The following CRISPLD2 variants were observed in gnomAD, a reference collection of about 807,000 sequenced individuals.
The protein encoded by CRISPLD2 is cysteine-rich secretory protein LCCL domain-containing 2.
CRISPLD2 carries 47 observed loss-of-function variants against 71.1 expected under a neutral mutation model. The ratio of observed to expected loss-of-function variants is 0.66; its 90% confidence interval spans 0.52 to 0.84. The LOEUF (loss-of-function observed/expected upper bound fraction) is 0.84. Ranked by LOEUF, CRISPLD2 falls within the 40% of genes least tolerant of loss-of-function variation. The pLI is 0.00. For missense variants in CRISPLD2, 830 were observed against 651.1 expected, an observed-to-expected ratio of 1.27 and a Z score of -2.99; for synonymous variants, 317 against 250.1, an observed-to-expected ratio of 1.27 and a Z score of -2.52.
At chr16:84,831,776 C>T (rs1916494308) in intron 1 of CRISPLD2, among the ~76,000 whole-genome samples, 1 of 151,990 alleles carries the variant, frequency 6.6e-6, no homozygotes, top group African/African-American at 2.4e-5. Context: ...GCCGTGTCAC[C>T]CAGGCGGGAG....
At chr16:84,840,535 G>A (rs960214141) in intron 2 of CRISPLD2, among the ~76,000 whole-genome samples, 3 of 152,112 alleles carry the variant, frequency 2.0e-5, no homozygotes, top group Admixed American at 1.3e-4. Flanking sequence ...GAGACAGAGT[G>A]TTGCCCTGTC....
At chr16:84,895,784 G>A (rs1046738600) in intron 14 of CRISPLD2, among the ~76,000 whole-genome samples, 18 of 152,104 alleles carry the variant, frequency 1.2e-4, no homozygotes, top group Admixed American at 9.2e-4. Context: ...TGTAGCTCCC[G>A]GCTACTGAGC....
intron 1 of CRISPLD2, among the ~76,000 whole-genome samples, chr16:84,825,111 C>A (rs527465655): frequency 6.1e-4 from 93 of 151,666 alleles, no homozygotes; most frequent in African/African-American, 2.2e-3. Flanking sequence ...CATTTCAAAA[C>A]AAAAACAAAA....
At chr16:84,873,571 A>G (rs114874829) in intron 10 of CRISPLD2, 218 of 199,538 alleles carry the variant, frequency 1.1e-3, no homozygotes, top group African/African-American at 4.6e-3. Context: ...TTATAATTTG[A>G]TCATGATATT....
chr16:84,838,947 G>T (rs781492827), intron 2 of CRISPLD2: 36 of 724,642 alleles, frequency 5.0e-5, no homozygotes, highest in South Asian at 1.8e-4. Context: ...GGAGTGCAAT[G>T]GCACAATCGT....
In CRISPLD2 at chr16:84,908,292, T is replaced by C. The variant is rs1255360082; in HGVS notation, c.*1650T>C. On this transcript the variant is annotated 3_prime_UTR_variant, in exon 15 of 15. Coordinates refer to ENST00000262424, the MANE Select transcript of CRISPLD2 (RefSeq NM_031476.4). The stretch of plus-strand genomic sequence containing the variant: ...ACAGGACTACGTGCTTTGTGCATTG[T>C]AGTCTAGTCGTAATTCATAGGTACT... 1 of 152,250 alleles carries C rather than the reference T, an allele frequency of 6.6e-6. No individual in the cohort carries two copies. The highest frequency in any genetic ancestry group is 1.5e-5 in the Non-Finnish European group (1 of 68,042). The allele number at this position is 152,250 out of a possible 1,614,324, so 9.4% of individuals were successfully genotyped here.
At chr16:84,866,802 A>G (rs1917550160) in intron 6 of CRISPLD2, 95 bp from the exon 7 acceptor site, 1 of 1,217,434 alleles carries the variant, frequency 8.2e-7, no homozygotes, top group Non-Finnish European at 1.2e-6. Context: ...CCAAACCTCA[A>G]ACACGTTTAG....
At chr16:84,866,239 G>GTTTT (rs11409128) in intron 6 of CRISPLD2, among the ~76,000 whole-genome samples, 3 of 148,288 alleles carry the variant, frequency 2.0e-5, no homozygotes, top group Non-Finnish European at 3.0e-5. Context: ...TTGTTTTTTG[G>GTTTT]TTTTTTTTTT....
chr16:84,837,105 C>G (rs909589031), intron 1 of CRISPLD2, among the ~76,000 whole-genome samples: 4 of 152,230 alleles, frequency 2.6e-5, no homozygotes, highest in African/African-American at 7.2e-5. Context: ...ATGGAGGTGA[C>G]TGGGTGGCCC....
intron 6 of CRISPLD2, among the ~76,000 whole-genome samples, chr16:84,858,631 A>G (rs1400674829): frequency 6.6e-6 from 1 of 152,244 alleles, no homozygotes; most frequent in Non-Finnish European, 1.5e-5. Flanking sequence ...GCAATGGAGC[A>G]GTGTGATATC....
At chr16:84,861,003 G>A (rs1157390620) in intron 6 of CRISPLD2, among the ~76,000 whole-genome samples, 2 of 152,162 alleles carry the variant, frequency 1.3e-5, no homozygotes, top group African/African-American at 4.8e-5. Context: ...GCTTCATTAT[G>A]TTCCTTGGTT....
chr16:84,878,283 C>G (rs1032647759), intron 12 of CRISPLD2, among the ~76,000 whole-genome samples: 4 of 139,950 alleles, frequency 2.9e-5, no homozygotes, highest in African/African-American at 1.3e-4. Flanking sequence ...ACAACCACCA[C>G]CCGTCAAAGT....
chr16:84,906,714 A>C lies in CRISPLD2; in HGVS notation c.*72A>C. On this transcript the variant is annotated 3_prime_UTR_variant, in exon 15 of 15. Transcript: ENST00000262424. ...GTTTTGCTTTTATTTTTATTTTGTCATTGCGGGGTATATGGAGAGTCAGGA... is the reference window on the plus strand; with the variant it reads ...GTTTTGCTTTTATTTTTATTTTGTCCTTGCGGGGTATATGGAGAGTCAGGA... 1 of 1,532,606 alleles carries C rather than the reference A, an allele frequency of 6.5e-7. No individual in the cohort carries two copies. Among genetic ancestry groups the C allele is most frequent in the Non-Finnish European group, 9.0e-7 (1 of 1,106,350 alleles). The allele number at this position is 1,532,606 out of a possible 1,614,324, so 94.9% of individuals were successfully genotyped here.
rs2071819978 is a variant in CRISPLD2 at position 84,907,989 on chromosome 16, C to T, written c.*1347C>T. 1 of 152,148 alleles carries T rather than the reference C, an allele frequency of 6.6e-6. No homozygotes were observed. The highest frequency in any genetic ancestry group is 1.5e-5 in the Non-Finnish European group (1 of 68,024). The allele number at this position is 152,148 out of a possible 1,614,324, so 9.4% of individuals were successfully genotyped here. A position where few individuals can be genotyped will look rare whatever the true frequency, so the allele number is the denominator to read the frequency against. Reference sequence around the variant, plus strand: ...AGAAGGTGAAAATTCCACTCTCTACCACCGGGCCAGCCAATAGATCACTTT... The same window carrying T: ...AGAAGGTGAAAATTCCACTCTCTACTACCGGGCCAGCCAATAGATCACTTT... On this transcript the variant is annotated 3_prime_UTR_variant, in exon 15 of 15. Coordinates refer to ENST00000262424, the MANE Select transcript of CRISPLD2 (RefSeq NM_031476.4).
At chr16:84,850,540 C>T in intron 4 of CRISPLD2, 28 bp from the exon 5 acceptor site, 1 of 1,588,894 alleles carries the variant, frequency 6.3e-7, no homozygotes, top group Non-Finnish European at 8.6e-7. Flanking sequence ...ATCCCTCGAG[C>T]TGTGACACAC....
At chr16:84,862,779 A>C (rs941321941) in intron 6 of CRISPLD2, among the ~76,000 whole-genome samples, 5 of 144,912 alleles carry the variant, frequency 3.5e-5, no homozygotes, top group Non-Finnish European at 4.5e-5. Flanking sequence ...AGGGTGGGGT[A>C]GATGTGGGAT....
chr16:84,870,153 AG>A (rs2071453437), intron 8 of CRISPLD2, among the ~76,000 whole-genome samples: 1 of 152,170 alleles, frequency 6.6e-6, no homozygotes, highest in African/African-American at 2.4e-5. Flanking sequence ...TGACTTGAAA[AG>A]GCATCTATGC....
chr16:84,854,421 C>T (rs904899830), intron 5 of CRISPLD2, among the ~76,000 whole-genome samples: 6 of 152,154 alleles, frequency 3.9e-5, no homozygotes, highest in African/African-American at 1.2e-4. Context: ...GGGGCCCTAA[C>T]AGTGTTCAGA....
intron 13 of CRISPLD2, among the ~76,000 whole-genome samples, chr16:84,886,706 C>T (rs1021513567): frequency 1.2e-4 from 19 of 152,096 alleles, no homozygotes; most frequent in African/African-American, 2.7e-4. Context: ...GCCTGCGATC[C>T]CAGCTACTTG....
Sources: gnomAD v4.1 joint callset for allele counts (sites outside exome capture counted in the v4.1 genomes callset) on GRCh38, gnomAD v4.1.1 for gene constraint, MANE v1.5 for transcripts, NCBI Gene and HGNC (gene_info 2026-07-23, HGNC 2026-07-21) for gene names.